Variants in PSD2 observed in about 807,000 individuals in gnomAD.
PSD2 encodes the protein PH and SEC7 domain-containing protein 2.
In PSD2, 38 loss-of-function variants were observed where a neutral mutation model predicts 69.8. The ratio of observed to expected loss-of-function variants is 0.54; its 90% confidence interval spans 0.42 to 0.71. PSD2 has a LOEUF of 0.71. Ranked by LOEUF, PSD2 falls within the 30% of genes least tolerant of loss-of-function variation. The probability of loss-of-function intolerance (pLI) is 0.00; values close to 1 mark genes in which losing one functional copy is unlikely to be tolerated. For missense variants in PSD2, 943 were observed against 1,014.5 expected, an observed-to-expected ratio of 0.93 and a Z score of 0.96; for synonymous variants, 412 against 423.0, an observed-to-expected ratio of 0.97 and a Z score of 0.32.
At chr5:139,800,099 G>A (rs1759633174) in intron 1 of PSD2, among the ~76,000 whole-genome samples, 1 of 152,224 alleles carries the variant, frequency 6.6e-6, no homozygotes, top group Admixed American at 6.5e-5. Flanking sequence ...CCTGAGCAGG[G>A]CTAGGCCAGC....
chr5:139,824,030 A>G (rs1490294459), intron 7 of PSD2, among the ~76,000 whole-genome samples: 4 of 152,250 alleles, frequency 2.6e-5, no homozygotes, highest in Non-Finnish European at 4.4e-5. Context: ...CGCATTCCAT[A>G]TGAATGTCAC....
chr5:139,772,307 G>T, the PSD2 span, among the ~76,000 whole-genome samples: 1 of 152,204 alleles, frequency 6.6e-6, no homozygotes, highest in East Asian at 1.9e-4. Context: ...TTATATTGTG[G>T]CTAATGACTA....
At position 139,839,898 on chromosome 5, in the gene PSD2, CCCA is replaced by C; in HGVS notation, c.1969-127_1969-125del. 1.0e-6 allele frequency: 1 copy of C among 988,162 alleles called. No individual in the cohort carries two copies. Among genetic ancestry groups the C allele is most frequent in the South Asian group, 1.5e-5 (1 of 64,816 alleles). The allele number at this position is 988,162 out of a possible 1,614,324, so 61.2% of individuals were successfully genotyped here. Reference sequence around the variant, plus strand: ...CTCAGGTCCAGAGTCTGGCTCTGTCCCCACATTTTGGTGATGCTGGCTAGGCCT... The same window carrying C: ...CTCAGGTCCAGAGTCTGGCTCTGTCCCATTTTGGTGATGCTGGCTAGGCCT... On this transcript the variant is annotated intron_variant, in intron 13 of 14. Transcript: ENST00000274710. This position sits in a 1 kb window ranked among gnomAD's most constrained non-coding sequence, Gnocchi z 5.1.
chr5:139,788,245 C>T, the PSD2 span, among the ~76,000 whole-genome samples: 2 of 151,606 alleles, frequency 1.3e-5, no homozygotes, highest in African/African-American at 4.8e-5. Flanking sequence ...CTGCGGGAAC[C>T]TTCCCGGCTT....
At chr5:139,790,147 G>C in the PSD2 span, among the ~76,000 whole-genome samples, 7 of 152,116 alleles carry the variant, frequency 4.6e-5, no homozygotes, top group African/African-American at 1.4e-4. Context: ...GTCTGGGCAC[G>C]GGAGCTCGCG....
chr5:139,766,831 CTTTCTTTCTT>C, the PSD2 span, among the ~76,000 whole-genome samples: 99 of 32,360 alleles, frequency 3.1e-3, 1 homozygote, highest in East Asian at 0.021. Context: ...TCCCTTCCTT[CTTTCTTTCTT>C]TCTTTCTTTC....
At chr5:139,751,806 T>TC in the PSD2 span, among the ~76,000 whole-genome samples, 7 of 150,328 alleles carry the variant, frequency 4.7e-5, no homozygotes, top group African/African-American at 9.8e-5. Context: ...TTTTTTTTTT[T>TC]TTTTTGAGAC....
In PSD2 at chr5:139,837,266, C is replaced by G. The variant is rs1423763435; in HGVS notation, c.1665+28C>G. 3.7e-6 allele frequency: 6 copies of G among 1,607,820 alleles called. No homozygotes were observed. The Admixed American group carries it at 1.0e-4, about 27-fold the overall frequency. On this transcript the variant is annotated intron_variant, in intron 11 of 14. Coordinates refer to ENST00000274710, the MANE Select transcript of PSD2 (RefSeq NM_032289.4). This position sits in a 1 kb window ranked among gnomAD's most constrained non-coding sequence, Gnocchi z 5.0. ...GAGAGACTGCCCCAGAGACCTTACT[C>G]AGAAAGGGCCAGCTCAGTCCCATCC...
chr5:139,841,787 T>C (rs547852610), intron 14 of PSD2, among the ~76,000 whole-genome samples: 7 of 152,358 alleles, frequency 4.6e-5, no homozygotes, highest in Non-Finnish European at 8.8e-5. Flanking sequence ...GTTGGCCGTT[T>C]GTATGCTTTC....
the PSD2 span, among the ~76,000 whole-genome samples, chr5:139,790,357 C>T: frequency 6.6e-6 from 1 of 151,908 alleles, no homozygotes; most frequent in Non-Finnish European, 1.5e-5. Context: ...GGTCTGACCT[C>T]AGGTGGAAAG....
the PSD2 span, among the ~76,000 whole-genome samples, chr5:139,768,584 T>G: frequency 6.6e-5 from 10 of 152,052 alleles, no homozygotes; most frequent in South Asian, 4.2e-4. Context: ...TTAGCTGGGC[T>G]TGGTGGCGCA....
chr5:139,792,429 C>A (rs1759430071), upstream of PSD2, among the ~76,000 whole-genome samples: 1 of 152,136 alleles, frequency 6.6e-6, no homozygotes, highest in African/African-American at 2.4e-5. Context: ...GCTGGCCCCC[C>A]CTCCCCCCAT....
At chr5:139,824,395 T>G (rs957774936) in intron 7 of PSD2, among the ~76,000 whole-genome samples, 1 of 74,332 alleles carries the variant, frequency 1.3e-5, no homozygotes, top group Non-Finnish European at 2.6e-5. Flanking sequence ...CTCTCTCTTG[T>G]TTTTTTTTTT....
At chr5:139,754,774 G>A in the PSD2 span, among the ~76,000 whole-genome samples, 3 of 152,202 alleles carry the variant, frequency 2.0e-5, no homozygotes, top group Admixed American at 2.0e-4. Context: ...CTACTTGGGA[G>A]GCTGAGGTGG....
the PSD2 span, among the ~76,000 whole-genome samples, chr5:139,759,722 CT>C: frequency 6.6e-6 from 1 of 152,232 alleles, no homozygotes; most frequent in African/African-American, 2.4e-5. Context: ...ATCATCTGCC[CT>C]AATCACTCCA....
Position 139,842,518 on chromosome 5 carries a change from T to TG in PSD2, c.*48dup, listed in dbSNP as rs34659605. 7.7e-6 allele frequency: 12 copies of TG among 1,567,004 alleles called. No individual in the cohort carries two copies. The South Asian group carries it at 1.3e-4, about 17-fold the overall frequency. On this transcript the variant is annotated 3_prime_UTR_variant, in exon 15 of 15. Coordinates refer to ENST00000274710, the MANE Select transcript of PSD2 (RefSeq NM_032289.4). ...CCCCAGGGTGGGCAGATGTCTCCAGTGGGGTCAGTGAGCACAATTCCAGCC... is the reference window on the plus strand; with the variant it reads ...CCCCAGGGTGGGCAGATGTCTCCAGTGGGGGTCAGTGAGCACAATTCCAGCC...
intron 1 of PSD2, among the ~76,000 whole-genome samples, chr5:139,805,683 T>C (rs1315692185): frequency 1.3e-5 from 2 of 152,068 alleles, no homozygotes; most frequent in Non-Finnish European, 2.9e-5. Flanking sequence ...AGAAGCTCTT[T>C]TAAAGATCTA....
intron 14 of PSD2, among the ~76,000 whole-genome samples, chr5:139,841,904 T>A (rs571844319): frequency 6.6e-6 from 1 of 152,368 alleles, no homozygotes; most frequent in African/African-American, 2.4e-5. Context: ...AAGACCCTTA[T>A]CAGATATATG....
At chr5:139,799,950 G>T (rs896503741) in intron 1 of PSD2, among the ~76,000 whole-genome samples, 2 of 152,152 alleles carry the variant, frequency 1.3e-5, no homozygotes, top group African/African-American at 4.8e-5. Flanking sequence ...CAGAGGAATG[G>T]TGTGTGGGAA....
Sources: gnomAD v4.1 joint callset for allele counts (sites outside exome capture counted in the v4.1 genomes callset) on GRCh38, gnomAD v4.1.1 for gene constraint, Gnocchi (gnomAD v3.1) non-coding constraint, MANE v1.5 for transcripts, NCBI Gene and HGNC (gene_info 2026-07-23, HGNC 2026-07-21) for gene names.